FRAS1: variants seen among roughly 807,000 people sequenced by gnomAD.
The protein encoded by FRAS1 is extracellular matrix organizing protein FRAS1.
FRAS1 carries 290 observed loss-of-function variants against 435.2 expected under a neutral mutation model. The observed-to-expected ratio is 0.67, with a 90% confidence interval of 0.61 to 0.73. The LOEUF is 0.73. FRAS1 is among the 30% of genes least tolerant of loss of function. The probability of loss-of-function intolerance (pLI) is 0.00; values close to 1 mark genes in which losing one functional copy is unlikely to be tolerated. For synonymous variants in FRAS1, 1,800 were observed against 1,851.0 expected (o/e 0.97, Z 0.71); for missense variants, 4,860 against 5,001.5 (o/e 0.97, Z 0.85).
intron 2 of FRAS1, among the ~76,000 whole-genome samples, chr4:78,081,195 C>G (rs1740877442): frequency 6.6e-6 from 1 of 152,084 alleles, no homozygotes; most frequent in African/African-American, 2.4e-5. Flanking sequence ...AGAGAAAAGT[C>G]CCCACAAGGG....
At chr4:78,147,130 A>G (rs1041199668) in intron 2 of FRAS1, among the ~76,000 whole-genome samples, 1 of 152,144 alleles carries the variant, frequency 6.6e-6, no homozygotes, top group African/African-American at 2.4e-5. Flanking sequence ...GTTCTCCTGT[A>G]TTAAATTCCC....
chr4:78,535,169 C>A, intron 71 of FRAS1, among the ~76,000 whole-genome samples: 1 of 152,160 alleles, frequency 6.6e-6, no homozygotes, highest in East Asian at 1.9e-4. Context: ...TCAGATGACT[C>A]CTTCTCACTC....
intron 65 of FRAS1, among the ~76,000 whole-genome samples, chr4:78,514,777 T>G (rs1350471912): frequency 6.6e-6 from 1 of 152,082 alleles, no homozygotes; most frequent in East Asian, 1.9e-4. Context: ...CTATAAAAAT[T>G]TTAACCCAGC....
At chr4:78,430,177 T>C in intron 36 of FRAS1, 115 bp from the exon 37 acceptor site, 1 of 1,254,330 alleles carries the variant, frequency 8.0e-7, no homozygotes, top group Non-Finnish European at 1.1e-6. Context: ...TGCTTTCTGA[T>C]AACAATCAGA....
chr4:78,501,522 G>A lies in FRAS1; in HGVS notation c.9316+1601G>A, dbSNP rs550607722. Among the ~76,000 whole-genome samples the A allele has an allele frequency of 6.0e-4, 91 of 152,244 alleles. 1 individual carries two copies. The highest frequency in any genetic ancestry group is 2.2e-3 in the African/African-American group (90 of 41,546). On this transcript the variant is annotated intron_variant, in intron 61 of 73. Coordinates refer to ENST00000512123, the MANE Select transcript of FRAS1 (RefSeq NM_025074.7). ...GGGTCAAATGGTATTTCTGGTTCTAGATCCTTGAGGAATTGCCACACTGTC... is the reference window on the plus strand; with the variant it reads ...GGGTCAAATGGTATTTCTGGTTCTAAATCCTTGAGGAATTGCCACACTGTC...
chr4:78,330,529 T>C (rs575206289), intron 18 of FRAS1, among the ~76,000 whole-genome samples: 1 of 152,316 alleles, frequency 6.6e-6, no homozygotes, highest in East Asian at 1.9e-4. Context: ...GGGAGAAATA[T>C]CGCTGAATTC....
intron 2 of FRAS1, among the ~76,000 whole-genome samples, chr4:78,160,559 G>T (rs1721097313): frequency 6.8e-6 from 1 of 147,366 alleles, no homozygotes; most frequent in Admixed American, 6.7e-5. Flanking sequence ...GTAAGTACAG[G>T]CTGCTTTGTT....
intron 9 of FRAS1, among the ~76,000 whole-genome samples, chr4:78,275,850 G>C (rs1726988704): frequency 6.6e-6 from 1 of 152,104 alleles, no homozygotes; most frequent in Non-Finnish European, 1.5e-5. Context: ...TCCTCAATTT[G>C]AATGTTGGCC....
intron 20 of FRAS1, among the ~76,000 whole-genome samples, chr4:78,359,901 C>A (rs1731009360): frequency 6.6e-6 from 1 of 152,122 alleles, no homozygotes; most frequent in African/African-American, 2.4e-5. Flanking sequence ...GATCTGATGC[C>A]TTCTTATGGC....
chr4:78,473,290 T>C (rs1719762912), intron 52 of FRAS1, 148 bp from the exon 53 acceptor site: 2 of 557,082 alleles, frequency 3.6e-6, no homozygotes, highest in Non-Finnish European at 6.3e-6. Context: ...GAAACATTTA[T>C]TTTAACAACT....
chr4:78,132,203 A>G (rs945425097), intron 2 of FRAS1, among the ~76,000 whole-genome samples: 1 of 152,100 alleles, frequency 6.6e-6, no homozygotes, highest in African/African-American at 2.4e-5. Context: ...GAGGATTTAG[A>G]AGTCAGGAAG....
At chr4:78,434,223 A>C (rs865845402) in intron 38 of FRAS1, among the ~76,000 whole-genome samples, 1 of 152,220 alleles carries the variant, frequency 6.6e-6, no homozygotes, top group South Asian at 2.1e-4. Flanking sequence ...ATTAACTGGA[A>C]GAGAGTGATA....
intron 47 of FRAS1, among the ~76,000 whole-genome samples, chr4:78,453,512 T>C (rs1178146315): frequency 6.6e-6 from 1 of 152,094 alleles, no homozygotes; most frequent in Non-Finnish European, 1.5e-5. Context: ...GAATAAACAA[T>C]CTAGAGCCAG....
intron 52 of FRAS1, among the ~76,000 whole-genome samples, chr4:78,472,675 T>C (rs1346822808): frequency 6.6e-6 from 1 of 152,254 alleles, no homozygotes; most frequent in Non-Finnish European, 1.5e-5. Flanking sequence ...GCAGACATTA[T>C]GAAAGATCTG....
intron 2 of FRAS1, among the ~76,000 whole-genome samples, chr4:78,149,982 T>C (rs1433848743): frequency 6.6e-6 from 1 of 152,010 alleles, no homozygotes; most frequent in Non-Finnish European, 1.5e-5. Flanking sequence ...GACAAGTGAG[T>C]GGGAGGTTGG....
intron 18 of FRAS1, among the ~76,000 whole-genome samples, chr4:78,323,272 G>A (rs976927381): frequency 3.9e-5 from 6 of 152,150 alleles, no homozygotes; most frequent in Non-Finnish European, 7.3e-5. Flanking sequence ...TAATCAGTCC[G>A]AATTGTGCAC....
Position 78,513,543 on chromosome 4 carries a change from G to A in FRAS1, c.10165G>A (p.Gly3389Ser). ...TTTAGTTACCACCTATGACCTGAGA[G>A]GCATCTCAGGTGAGATTGACAAGTT... ...SNLVTTYDLR[G>S]ISEAGFLDDV... The change falls in exon 65 of 74, where the codon GGC becomes AGC. Residue 3389 changes from glycine (G) to serine (S), a missense_variant. Physicochemically the swap from Gly to Ser is moderately conservative, Grantham distance 56 (BLOSUM62 0). Coordinates refer to ENST00000512123, the MANE Select transcript of FRAS1 (RefSeq NM_025074.7). 6.2e-7 allele frequency: 1 copy of A among 1,612,936 alleles called. No individual in the cohort carries two copies. The highest frequency in any genetic ancestry group is 1.1e-5 in the South Asian group (1 of 91,068).
At chr4:78,500,595 G>A (rs2109875005) in intron 61 of FRAS1, among the ~76,000 whole-genome samples, 1 of 152,318 alleles carries the variant, frequency 6.6e-6, no homozygotes, top group Middle Eastern at 3.4e-3. Context: ...TTGCGACGTA[G>A]CCAGAGGAGG....
intron 31 of FRAS1, among the ~76,000 whole-genome samples, chr4:78,411,108 A>ATTTTTTTTTTTTTTTTTTTT (rs369399937): frequency 1.4e-5 from 2 of 142,856 alleles, no homozygotes; most frequent in Non-Finnish European, 1.5e-5. Flanking sequence ...AGTTGCATGG[A>ATTTTTTTTTTTTTTTTTTTT]TTTTTTTTCT....
Sources: gnomAD v4.1 joint callset for allele counts (sites outside exome capture counted in the v4.1 genomes callset) on GRCh38, gnomAD v4.1.1 for gene constraint, MANE v1.5 for transcripts, NCBI Gene and HGNC (gene_info 2026-07-23, HGNC 2026-07-21) for gene names.